The following WDR86 variants were observed in gnomAD, a reference collection of about 807,000 sequenced individuals.
The protein encoded by WDR86 is WD repeat domain 86, also known as WD repeat-containing protein 86.
A neutral mutation model predicts 36.5 loss-of-function variants in WDR86; 30 were observed. The observed-to-expected ratio is 0.82, with a 90% CI of 0.61 to 1.11. The LOEUF (loss-of-function observed/expected upper bound fraction) is 1.11, where lower values mean the gene tolerates loss of function less well. Ranked by LOEUF, WDR86 falls within the 50% of genes most tolerant of loss-of-function variation. The probability of loss-of-function intolerance (pLI) is 0.00; values close to 1 mark genes in which losing one functional copy is unlikely to be tolerated. For missense variants in WDR86, 545 were observed against 561.2 expected, an observed-to-expected ratio of 0.97 and a Z score of 0.29; for synonymous variants, 255 against 252.9, an observed-to-expected ratio of 1.01 and a Z score of -0.08.
upstream of WDR86, chr7:151,410,113 C>T (rs1194084515): frequency 1.0e-6 from 1 of 979,382 alleles, no homozygotes; most frequent in Non-Finnish European, 1.2e-6. Flanking sequence ...CCAGCCCCCA[C>T]CCCGCGCGCC....
chr7:151,385,212 T>G lies in WDR86; in HGVS notation c.738A>C (p.Arg246=), dbSNP rs1377576583. 1 of 1,611,882 alleles carries G rather than the reference T, an allele frequency of 6.2e-7. No homozygotes were observed. Among genetic ancestry groups the G allele is most frequent in the Admixed American group, 1.7e-5 (1 of 60,010 alleles). The change falls in exon 4 of 6, where the codon CGA becomes CGC. Residue 246 remains arginine (R), a synonymous_variant. Coordinates refer to ENST00000334493, the MANE Select transcript of WDR86 (RefSeq NM_198285.3). Reference sequence around the variant, plus strand: ...TGTCCGCGCTGCCAGAGTACACGAGTCGGTTCACCAGCTGCGAGGAGGAGC... The same window carrying G: ...TGTCCGCGCTGCCAGAGTACACGAGGCGGTTCACCAGCTGCGAGGAGGAGC... The part of the protein sequence containing the change: ...GSVICLELVN[R]LVYSGSADRT...
exon 2 of WDR86, chr7:151,376,048 A>G: frequency 1.3e-6 from 1 of 765,244 alleles, no homozygotes. Flanking sequence ...CCGTGCTGAA[A>G]CCTTGGCTCC....
intron 2 of WDR86, among the ~76,000 whole-genome samples, chr7:151,398,010 G>C (rs960880464): frequency 6.6e-6 from 1 of 152,058 alleles, no homozygotes; most frequent in African/African-American, 2.4e-5. Flanking sequence ...CCTGATTTAT[G>C]AGGACAGTTA....
chr7:151,381,030 G>A, downstream of WDR86: 1 of 656,826 alleles, frequency 1.5e-6, no homozygotes, highest in Non-Finnish European at 2.0e-6. This position sits in a 1 kb window ranked among gnomAD's most constrained non-coding sequence, Gnocchi z 4.8. Context: ...AGAGGCAGAG[G>A]GCAGGAGGCC....
At position 151,401,942 on chromosome 7, in the gene WDR86, G is replaced by A. The variant is rs1026945713; in HGVS notation, c.164-1701C>T. Reference sequence around the variant, plus strand: ...TGGGCGCCTGTAATCCCAGCTACTCGGGAGGCTGAGGCAGAGAACTGCTTG... The same window carrying A: ...TGGGCGCCTGTAATCCCAGCTACTCAGGAGGCTGAGGCAGAGAACTGCTTG... On this transcript the variant is annotated intron_variant, in intron 1 of 5. Transcript: ENST00000334493. The surrounding 1 kb of genome is among the most constrained non-coding windows in gnomAD (Gnocchi z 4.3). 2.0e-5 allele frequency among the ~76,000 whole-genome samples: 3 copies of A among 149,428 alleles called. No individual in the cohort carries two copies. The highest frequency in any genetic ancestry group is 3.0e-5 in the Non-Finnish European group (2 of 67,410).
At chr7:151,374,915 G>A (rs1007523219), downstream of WDR86, among the ~76,000 whole-genome samples, 6 of 152,178 alleles carry the variant, frequency 3.9e-5, no homozygotes, top group African/African-American at 1.4e-4. Flanking sequence ...CAGGAGGCAG[G>A]GGGCTGGCTG....
At chr7:151,395,080 C>T (rs1184563733) in intron 3 of WDR86, among the ~76,000 whole-genome samples, 2 of 152,236 alleles carry the variant, frequency 1.3e-5, no homozygotes, top group African/African-American at 4.8e-5. Context: ...GCAGCAACCC[C>T]ACGTCCCACA....
At chr7:151,389,100 CT>C (rs1799204548) in intron 3 of WDR86, among the ~76,000 whole-genome samples, 1 of 145,274 alleles carries the variant, frequency 6.9e-6, no homozygotes, top group East Asian at 2.0e-4. Context: ...TATTCTGCAC[CT>C]TTTTTTCTTT....
chr7:151,400,019 G>A, intron 2 of WDR86, 81 bp downstream of exon 2: 1 of 1,331,712 alleles, frequency 7.5e-7, no homozygotes, highest in South Asian at 1.9e-5. Context: ...CTCACGTGCA[G>A]GGGCCCATAT....
rs1263178544 is a variant in WDR86, at chr7:151,395,629, G to A, written c.726+147C>T. On this transcript the variant is annotated intron_variant, in intron 3 of 5. Coordinates refer to ENST00000334493, the MANE Select transcript of WDR86 (RefSeq NM_198285.3). The stretch of plus-strand genomic sequence containing the variant: ...CCCTTATCTTGGATTCCCAGCCCCA[G>A]GACCGCAAGGCCTCCGTGGCGCTTG... The A allele has an allele frequency of 6.1e-6, 6 of 982,898 alleles. 1 individual carries two copies. In the African/African-American group the frequency reaches 9.8e-5, roughly 16 times the overall value. The allele number at this position is 982,898 out of a possible 1,614,324, so 60.9% of individuals were successfully genotyped here. A position where few individuals can be genotyped will look rare whatever the true frequency, so the allele number is the denominator to read the frequency against.
In WDR86 at chr7:151,388,464, C is replaced by A. The variant is rs1352126141; in HGVS notation, c.727-3241G>T. On this transcript the variant is annotated intron_variant, in intron 3 of 5. Coordinates refer to ENST00000334493, the MANE Select transcript of WDR86 (RefSeq NM_198285.3). This position sits in a 1 kb window ranked among gnomAD's most constrained non-coding sequence, Gnocchi z 4.2. ...GAGAGGGCTGCCCTGCAGCGCAGGG[C>A]CACCACAGACAGGGTGCCCCCTGGC... Among the ~76,000 whole-genome samples the A allele has an allele frequency of 2.8e-5, 4 of 143,366 alleles. No individual in the cohort carries two copies. Among genetic ancestry groups the A allele is most frequent in the Admixed American group, 2.8e-4 (4 of 14,346 alleles). 94.1% of individuals were successfully genotyped at this position (143,366 alleles called of 152,430 possible).
At chr7:151,404,056 C>G (rs957585936) in intron 1 of WDR86, among the ~76,000 whole-genome samples, 1 of 152,234 alleles carries the variant, frequency 6.6e-6, no homozygotes, top group Non-Finnish European at 1.5e-5. Flanking sequence ...GCTGTGGCAT[C>G]TCTACCTGGT....
At chr7:151,404,520 G>A (rs1392956595) in intron 1 of WDR86, among the ~76,000 whole-genome samples, 1 of 152,176 alleles carries the variant, frequency 6.6e-6, no homozygotes, top group Non-Finnish European at 1.5e-5. Context: ...ACCCTAGCGG[G>A]GAGGAGGCGG....
intron 2 of WDR86, among the ~76,000 whole-genome samples, chr7:151,398,761 C>T (rs184094762): frequency 3.5e-4 from 54 of 152,236 alleles, no homozygotes; most frequent in African/African-American, 1.1e-3. Flanking sequence ...TAAATCTGGC[C>T]GAGCATGATT....
At chr7:151,373,753 C>T (rs1445517575), downstream of WDR86, among the ~76,000 whole-genome samples, 2 of 152,228 alleles carry the variant, frequency 1.3e-5, no homozygotes, top group South Asian at 2.1e-4. Context: ...GAAGAGAATC[C>T]ATGCACCTCA....
intron 2 of WDR86, among the ~76,000 whole-genome samples, chr7:151,397,595 G>A (rs1799913385): frequency 6.6e-6 from 1 of 151,880 alleles, no homozygotes; most frequent in Admixed American, 6.6e-5. Flanking sequence ...ATGCCTTGAT[G>A]CTGCTGCTGC....
intron 3 of WDR86, among the ~76,000 whole-genome samples, chr7:151,386,889 T>A (rs1344131060): frequency 9.9e-5 from 15 of 152,200 alleles, no homozygotes; most frequent in Non-Finnish European, 1.5e-5. Context: ...CTCCCAGGTT[T>A]CCTACAAGTC....
chr7:151,377,324 A>C, downstream of WDR86: 1 of 883,862 alleles, frequency 1.1e-6, no homozygotes, highest in Non-Finnish European at 1.7e-6. Flanking sequence ...TCTGAATTAC[A>C]AGTCCTCTTT....
chr7:151,376,075 C>G (rs970121925), exon 2 of WDR86: 1 of 686,674 alleles, frequency 1.5e-6, no homozygotes, highest in African/African-American at 1.8e-5. Context: ...CCAGGTGTAA[C>G]CTGCCCACCT....
Sources: gnomAD v4.1 joint callset for allele counts (sites outside exome capture counted in the v4.1 genomes callset) on GRCh38, gnomAD v4.1.1 for gene constraint, Gnocchi (gnomAD v3.1) non-coding constraint, MANE v1.5 for transcripts, NCBI Gene and HGNC (gene_info 2026-07-23, HGNC 2026-07-21) for gene names.